The following ATG3 variants were observed in gnomAD, a reference collection of about 807,000 sequenced individuals.
ATG3 encodes the protein ubiquitin-like-conjugating enzyme ATG3.
ATG3 carries 25 observed loss-of-function variants against 50.7 expected under a neutral mutation model. The observed-to-expected ratio is 0.49, with a 90% CI of 0.36 to 0.69. The LOEUF is 0.69. ATG3 is among the 30% of genes least tolerant of loss of function. The pLI is 0.00. For synonymous variants in ATG3, 119 were observed against 125.5 expected (o/e 0.95, Z 0.34); for missense variants, 281 against 376.0 (o/e 0.75, Z 2.09).
intron 7 of ATG3, among the ~76,000 whole-genome samples, chr3:112,539,145 C>T (rs1933156283): frequency 6.6e-6 from 1 of 152,218 alleles, no homozygotes; most frequent in Non-Finnish European, 1.5e-5. Flanking sequence ...GATTATCAAA[C>T]AGCCTCCTGT....
chr3:112,551,373 G>T (rs1933522804), intron 3 of ATG3, among the ~76,000 whole-genome samples: 1 of 152,308 alleles, frequency 6.6e-6, no homozygotes, highest in Non-Finnish European at 1.5e-5. Flanking sequence ...GATAGCACTT[G>T]TGCACGTGAA....
In ATG3 at chr3:112,536,389, G is replaced by C. The variant is rs111276319; in HGVS notation, c.794+86C>G. Reference sequence around the variant, plus strand: ...TAGTAAGAAAATTTTTTTCTGTTAGGGTTCTATGTTTAAAGATTCTCAAGT... The same window carrying C: ...TAGTAAGAAAATTTTTTTCTGTTAGCGTTCTATGTTTAAAGATTCTCAAGT... On this transcript the variant is annotated intron_variant, in intron 10 of 11. Transcript: ENST00000283290. 1,768 of 1,509,004 alleles carry C rather than the reference G, an allele frequency of 1.2e-3. 26 individuals carry two copies. In the African/African-American group the frequency reaches 0.02, roughly 17 times the overall value. 93.5% of individuals were successfully genotyped at this position (1,509,004 alleles called of 1,614,324 possible). A position where few individuals can be genotyped will look rare whatever the true frequency, so the allele number is the denominator to read the frequency against.
At chr3:112,532,996 A>G (rs2082567006) in intron 11 of ATG3, 2 of 1,187,472 alleles carry the variant, frequency 1.7e-6, no homozygotes, top group Middle Eastern at 3.4e-4. Flanking sequence ...ATTGAATTTG[A>G]AACTTCTTAA....
intron 1 of ATG3, among the ~76,000 whole-genome samples, chr3:112,558,738 C>CT (rs879374413): frequency 0.014 from 1,969 of 141,194 alleles, 37 homozygotes; most frequent in African/African-American, 0.043. Flanking sequence ...TAGAAACATT[C>CT]TTTTTTTTTT....
chr3:112,553,175 A>T, intron 3 of ATG3, 105 bp downstream of exon 3: 3 of 946,038 alleles, frequency 3.2e-6, no homozygotes, highest in Non-Finnish European at 5.0e-6. Context: ...GGGGAAAGTT[A>T]AACTGGTCAT....
At chr3:112,561,417 C>T in intron 1 of ATG3, 40 bp downstream of exon 1, 1 of 1,601,018 alleles carries the variant, frequency 6.2e-7, no homozygotes, top group Admixed American at 1.7e-5. Context: ...AAAAGTCGAG[C>T]ATGTGCCTGA....
chr3:112,557,630 T>TA (rs925813176), intron 2 of ATG3, among the ~76,000 whole-genome samples: 1 of 151,898 alleles, frequency 6.6e-6, no homozygotes, highest in Admixed American at 6.6e-5. Flanking sequence ...AAAAAAAAAT[T>TA]AAAAAAACCA....
intron 2 of ATG3, among the ~76,000 whole-genome samples, chr3:112,555,682 T>C (rs1933652393): frequency 6.6e-6 from 1 of 152,156 alleles, no homozygotes; most frequent in East Asian, 1.9e-4. Flanking sequence ...ACTCAGTATA[T>C]AATATTTACA....
chr3:112,533,361 G>A (rs1399713400), intron 11 of ATG3: 5 of 984,986 alleles, frequency 5.1e-6, no homozygotes. Flanking sequence ...ATTATATATA[G>A]ACAGTCTTCC....
chr3:112,547,355 T>C (rs1295243294), intron 5 of ATG3, among the ~76,000 whole-genome samples: 1 of 152,216 alleles, frequency 6.6e-6, no homozygotes, highest in Non-Finnish European at 1.5e-5. Context: ...TTTAGTATCA[T>C]GGACTTAAAC....
rs973508951 is a variant in ATG3, at chr3:112,547,939, G to A, written c.343+594C>T. Among the ~76,000 whole-genome samples, 46 of 152,220 alleles carry A rather than the reference G, an allele frequency of 3.0e-4. 1 individual carries two copies. The highest frequency in any genetic ancestry group is 8.8e-5 in the Non-Finnish European group (6 of 68,036). ...GACAATGACATGTAAGCAAGAGACT[G>A]TAAAGCAAAGTAGTATGCATATTCA... is the stretch of plus-strand genomic sequence containing the variant. On this transcript the variant is annotated intron_variant, in intron 5 of 11. Coordinates refer to ENST00000283290, the MANE Select transcript of ATG3 (RefSeq NM_022488.5).
At position 112,561,489 on chromosome 3, in the gene ATG3, C is replaced by G. The variant is rs1303522894; in HGVS notation, c.40G>C (p.Glu14Gln). Reference protein sequence around the residue: ...VINTVKGKALEVAEYLTPVLK... With the variant: ...VINTVKGKALQVAEYLTPVLK... The stretch of plus-strand genomic sequence containing the variant: ...ACCGGGGTCAGGTACTCAGCCACTT[C>G]CAGTGCCTTTCCCTTCACAGTATTA... The change falls in exon 1 of 12, where the codon GAA (glutamate) becomes CAA (glutamine). Residue 14 changes from glutamate (E) to glutamine (Q), a missense_variant. This residue lies in a region of ATG3 where 22 missense variants were observed against 22.7 expected (regional missense o/e 0.97). Transcript: ENST00000283290. The G allele has an allele frequency of 1.9e-6, 3 of 1,613,394 alleles. No homozygotes were observed.
intron 4 of ATG3, among the ~76,000 whole-genome samples, chr3:112,549,909 A>G (rs2705521): frequency 0.16 from 24,083 of 151,916 alleles, 4,490 homozygotes; most frequent in African/African-American, 0.45. Flanking sequence ...CATAGGTAGT[A>G]TGAATTTCAT....
At chr3:112,544,738 T>C (rs553140354) in intron 5 of ATG3, among the ~76,000 whole-genome samples, 35 of 151,684 alleles carry the variant, frequency 2.3e-4, no homozygotes, top group Admixed American at 1.9e-3. Flanking sequence ...GCATCAAAAT[T>C]TTCTCAAAAA....
rs1317208752 is a variant in ATG3, at chr3:112,553,260, C to A, written c.164+20G>T. The A allele has an allele frequency of 5.0e-6, 8 of 1,588,900 alleles. No homozygotes were observed. The highest frequency in any genetic ancestry group is 6.0e-6 in the Non-Finnish European group (7 of 1,159,078). ...CCATGCATTTTACTAATTTTCTATT[C>A]TTTACTCAATATTACTTACCATTGC... On this transcript the variant is annotated intron_variant, in intron 3 of 11. Transcript: ENST00000283290.
chr3:112,559,714 A>G lies in ATG3; in HGVS notation c.73-1297T>C, dbSNP rs76352357. On this transcript the variant is annotated intron_variant, in intron 1 of 11. Transcript: ENST00000283290. ...AAAACCCCAAACCAAGAGTGTGCTT[A>G]ACAGAATAATAAAGAGATCAGGTTA... Among the ~76,000 whole-genome samples, 46 of 152,364 alleles carry G rather than the reference A, an allele frequency of 3.0e-4. 1 individual carries two copies. The East Asian group carries it at 8.1e-3, about 27-fold the overall frequency.
intron 10 of ATG3, chr3:112,535,190 C>CA (rs1215320369): frequency 1.3e-5 from 2 of 152,058 alleles, no homozygotes; most frequent in East Asian, 3.8e-4. Flanking sequence ...AATGCTGCTT[C>CA]AGTTTTTACG....
In ATG3 at chr3:112,558,361, A is replaced by C. The variant is rs1326831677; in HGVS notation, c.114+15T>G. The C allele has an allele frequency of 1.3e-6, 2 of 1,583,140 alleles. No individual in the cohort carries two copies. The highest frequency in any genetic ancestry group is 8.6e-7 in the Non-Finnish European group (1 of 1,159,266). ...TTGTAAAATAAAAAGACTTCAGTAT[A>C]TCTTCAGCACTCACCTCTTCTGGGG... is the stretch of plus-strand genomic sequence containing the variant. On this transcript the variant is annotated intron_variant, in intron 2 of 11. Transcript: ENST00000283290.
At chr3:112,548,386 T>A (rs1469376149) in intron 5 of ATG3, 147 bp downstream of exon 5, 3 of 693,352 alleles carry the variant, frequency 4.3e-6, no homozygotes, top group East Asian at 5.5e-5. Context: ...GCTTCTTTTT[T>A]AAAATTTGTC....
Sources: allele counts gnomAD v4.1 joint callset (sites outside exome capture counted in the v4.1 genomes callset), GRCh38; gene constraint gnomAD v4.1.1; regional missense constraint gnomAD v4.1.1; transcripts MANE v1.5; gene names NCBI Gene and HGNC (gene_info 2026-07-23, HGNC 2026-07-21).